Variants in ATP6V1E2 observed in about 807,000 individuals in gnomAD.
ATP6V1E2 encodes the protein V-type proton ATPase subunit E 2.
For missense variants in ATP6V1E2, 308 were observed against 273.3 expected, an observed-to-expected ratio of 1.13 and a Z score of -0.90; for synonymous variants, 121 against 104.2, an observed-to-expected ratio of 1.16 and a Z score of -0.98.
In ATP6V1E2 at chr2:46,512,475, C is replaced by T. The variant is rs533030485; in HGVS notation, c.237G>A (p.Ala79=). Reference sequence around the variant, plus strand: ...TTCGGGCTCTCAGGACTTTCAGCCTCGCCTGATTCCTCATGGTGGACATCA... The same window carrying T: ...TTCGGGCTCTCAGGACTTTCAGCCTTGCCTGATTCCTCATGGTGGACATCA... ...KILMSTMRNQ[A]RLKVLRARND... The change falls in exon 5 of 5, where the codon GCG becomes GCA. Residue 79 remains alanine, a synonymous_variant. Transcript: ENST00000522587. 8.7e-6 allele frequency: 14 copies of T among 1,614,186 alleles called. 1 individual carries two copies. Among genetic ancestry groups the T allele is most frequent in the African/African-American group, 4.0e-5 (3 of 75,040 alleles).
At position 46,538,660 on chromosome 2, in the gene ATP6V1E2, T is replaced by G. The variant is rs191151847; in HGVS notation, c.-309-1957A>C. On this transcript the variant is annotated intron_variant, in intron 2 of 4. Transcript: ENST00000522587. Reference sequence around the variant, plus strand: ...GTGGTGGTGGTGGTGGTGTTCTCTCTCTCTCTTTGCTTCTCTCTGCACTTT... The same window carrying G: ...GTGGTGGTGGTGGTGGTGTTCTCTCGCTCTCTTTGCTTCTCTCTGCACTTT... 4.8e-3 allele frequency among the ~76,000 whole-genome samples: 734 copies of G among 152,170 alleles called. 19 individuals carry two copies. Among genetic ancestry groups the G allele is most frequent in the Non-Finnish European group, 1.7e-3 (116 of 67,982 alleles).
At chr2:46,537,987 A>C (rs74366293) in intron 2 of ATP6V1E2, among the ~76,000 whole-genome samples, 1 of 152,280 alleles carries the variant, frequency 6.6e-6, no homozygotes, top group Admixed American at 6.5e-5. Flanking sequence ...GAAAAAAAAA[A>C]GTAGATGAAA....
At position 46,512,831 on chromosome 2, in the gene ATP6V1E2, G is replaced by A. The variant is rs970731684; in HGVS notation, c.-101-19C>T. The A allele has an allele frequency of 4.3e-5, 36 of 845,074 alleles. No homozygotes were observed. Among genetic ancestry groups the A allele is most frequent in the Non-Finnish European group, 6.5e-5 (36 of 557,876 alleles). 52.3% of individuals were successfully genotyped at this position (845,074 alleles called of 1,614,324 possible). The stretch of plus-strand genomic sequence containing the variant: ...TTCTCAGCTATACCAGTGAACAAGA[G>A]GATGAAAGAGAAAGTCAGAGGCTAT... On this transcript the variant is annotated intron_variant, in intron 4 of 4. Transcript: ENST00000522587.
intron 4 of ATP6V1E2, among the ~76,000 whole-genome samples, chr2:46,526,502 C>A (rs1666928731): frequency 6.6e-6 from 1 of 152,120 alleles, no homozygotes; most frequent in African/African-American, 2.4e-5. Flanking sequence ...TTCGTCTTCC[C>A]AAATTTAAAC....
At chr2:46,519,149 G>A (rs1435247573) in intron 4 of ATP6V1E2, 1 of 152,186 alleles carries the variant, frequency 6.6e-6, no homozygotes, top group East Asian at 1.9e-4. Flanking sequence ...AGGCTAAAAG[G>A]GATTTCCTTG....
chr2:46,530,077 G>A lies in ATP6V1E2; in HGVS notation c.-102+5736C>T, dbSNP rs1667113620. ...TATCCCTGACTGTAAGGCATCTGCT[G>A]GAAATTCCCACCTTTAACTGAAGGT... On this transcript the variant is annotated intron_variant, in intron 4 of 4. Transcript: ENST00000522587. This position sits in a 1 kb window ranked among gnomAD's most constrained non-coding sequence, Gnocchi z 5.2. 1.3e-5 allele frequency among the ~76,000 whole-genome samples: 2 copies of A among 152,124 alleles called. No individual in the cohort carries two copies.
At chr2:46,541,733 C>G (rs1397704409) in intron 1 of ATP6V1E2, 1 of 152,304 alleles carries the variant, frequency 6.6e-6, no homozygotes, top group East Asian at 1.9e-4. Flanking sequence ...CACCCCCGCC[C>G]CAATGCCCAG....
intron 4 of ATP6V1E2, chr2:46,534,932 G>A (rs1233543480): frequency 1.3e-5 from 2 of 152,220 alleles, no homozygotes; most frequent in African/African-American, 4.8e-5. Context: ...CCTTATGCAT[G>A]TGCAGCTTAG....
chr2:46,531,543 C>G (rs574184310), intron 4 of ATP6V1E2, among the ~76,000 whole-genome samples: 1 of 152,270 alleles, frequency 6.6e-6, no homozygotes, highest in South Asian at 2.1e-4. Context: ...GGATATATAC[C>G]TAGCTCTAGA....
rs939956286 is a variant in ATP6V1E2 at position 46,512,867 on chromosome 2, T to C, written c.-101-55A>G. ...AAAGTCAGAGGCTATAGAGGAGGAT[T>C]ACAGAGACTGTATATATACCCCTCA... On this transcript the variant is annotated intron_variant, in intron 4 of 4. Transcript: ENST00000522587. The C allele has an allele frequency of 1.2e-4, 78 of 659,450 alleles. No individual in the cohort carries two copies. The African/African-American group carries it at 1.3e-3, about 11-fold the overall frequency. 40.8% of individuals were successfully genotyped at this position (659,450 alleles called of 1,614,324 possible). A position where few individuals can be genotyped will look rare whatever the true frequency, so the allele number is the denominator to read the frequency against.
intron 2 of ATP6V1E2, among the ~76,000 whole-genome samples, chr2:46,538,679 G>A (rs1419045384): frequency 2.6e-5 from 4 of 152,046 alleles, no homozygotes; most frequent in Admixed American, 1.3e-4. Flanking sequence ...GCTTCTCTCT[G>A]CACTTTAGCT....
intron 2 of ATP6V1E2, among the ~76,000 whole-genome samples, chr2:46,538,308 A>T (rs1478989492): frequency 1.3e-5 from 2 of 152,180 alleles, no homozygotes; most frequent in Non-Finnish European, 2.9e-5. Flanking sequence ...TACCTTGTCA[A>T]TGTGGAATAT....
intron 4 of ATP6V1E2, among the ~76,000 whole-genome samples, chr2:46,515,714 A>G (rs966875455): frequency 6.6e-6 from 1 of 152,234 alleles, no homozygotes; most frequent in African/African-American, 2.4e-5. Context: ...AAATGTTCCA[A>G]TGAAAAGATA....
chr2:46,514,504 G>A (rs1292235879), intron 4 of ATP6V1E2, among the ~76,000 whole-genome samples: 1 of 152,056 alleles, frequency 6.6e-6, no homozygotes. Flanking sequence ...AAATTTTGGA[G>A]CTGAAGAATA....
chr2:46,533,269 TTTTTG>T (rs1392060442), intron 4 of ATP6V1E2, among the ~76,000 whole-genome samples: 3 of 151,638 alleles, frequency 2.0e-5, no homozygotes, highest in African/African-American at 4.8e-5. Flanking sequence ...GTTTGGGGTT[TTTTTG>T]TTTTGTTTTG....
At chr2:46,520,685 CAG>C (rs903615922) in intron 4 of ATP6V1E2, among the ~76,000 whole-genome samples, 36 of 152,182 alleles carry the variant, frequency 2.4e-4, no homozygotes, top group African/African-American at 8.7e-4. Flanking sequence ...GTCTGTTTTC[CAG>C]ATACAATTCA....
rs779442014 is a variant in ATP6V1E2 at position 46,512,735 on chromosome 2, G to A, written c.-24C>T. ...ATGGCTGCTCTCAGAGGGGACGGCA[G>A]AGAGGGAGCTCGTACACCGTTTGGC... is the stretch of plus-strand genomic sequence containing the variant. On this transcript the variant is annotated 5_prime_UTR_variant, in exon 5 of 5. Coordinates refer to ENST00000522587, the MANE Select transcript of ATP6V1E2 (RefSeq NM_001318063.2). 1 of 1,589,196 alleles carries A rather than the reference G, an allele frequency of 6.3e-7. No homozygotes were observed. The highest frequency in any genetic ancestry group is 8.5e-7 in the Non-Finnish European group (1 of 1,169,646).
chr2:46,536,874 C>G (rs1667470663), intron 2 of ATP6V1E2, among the ~76,000 whole-genome samples, 171 bp from the exon 3 acceptor site: 2 of 152,012 alleles, frequency 1.3e-5, no homozygotes, highest in African/African-American at 2.4e-5. Context: ...ACCTCTGCCT[C>G]CCGTTTCAAG....
intron 4 of ATP6V1E2, among the ~76,000 whole-genome samples, chr2:46,525,540 G>A (rs1666876418): frequency 6.6e-6 from 1 of 151,446 alleles, no homozygotes; most frequent in African/African-American, 2.4e-5. Flanking sequence ...TGGGAGAGAA[G>A]GCAAGGGCGA....
Sources: allele counts gnomAD v4.1 joint callset (sites outside exome capture counted in the v4.1 genomes callset), GRCh38; gene constraint gnomAD v4.1.1; non-coding constraint Gnocchi (gnomAD v3.1); transcripts MANE v1.5; gene names NCBI Gene and HGNC (gene_info 2026-07-23, HGNC 2026-07-21).